Variants in TIMM9 observed in about 807,000 individuals in gnomAD.
The protein encoded by TIMM9 is translocase of inner mitochondrial membrane 9.
A neutral mutation model predicts 13.4 loss-of-function variants in TIMM9; 10 were observed. The observed-to-expected ratio is 0.75, with a 90% CI of 0.46 to 1.26. The LOEUF is 1.26. Ranked by LOEUF, TIMM9 falls within the 50% of genes most tolerant of loss-of-function variation. TIMM9 has a pLI of 0.00. For synonymous variants in TIMM9, 32 were observed against 32.1 expected (o/e 1.00, Z 0.01); for missense variants, 87 against 100.8 (o/e 0.86, Z 0.58).
Position 58,427,398 on chromosome 14 carries a change from C to T in TIMM9, c.-310G>A. 3.8e-6 allele frequency: 2 copies of T among 521,340 alleles called. No individual in the cohort carries two copies. The highest frequency in any genetic ancestry group is 3.2e-5 in the East Asian group (1 of 31,316). The allele number at this position is 521,340 out of a possible 1,614,324, so 32.3% of individuals were successfully genotyped here. On this transcript the variant is annotated 5_prime_UTR_variant, in exon 1 of 6. Transcript: ENST00000395159. Reference sequence around the variant, plus strand: ...TCTTGGAAGCCTAATTTACCTAATCCCACGTCCCTAACGGTCTTCGGAAGC... The same window carrying T: ...TCTTGGAAGCCTAATTTACCTAATCTCACGTCCCTAACGGTCTTCGGAAGC...
chr14:58,412,718 T>A (rs1046162389), intron 3 of TIMM9, among the ~76,000 whole-genome samples: 6 of 152,166 alleles, frequency 3.9e-5, no homozygotes, highest in African/African-American at 1.4e-4. Context: ...CTGGCCAACA[T>A]AGTGAAACCC....
At chr14:58,422,186 G>C (rs2036607690) in intron 3 of TIMM9, among the ~76,000 whole-genome samples, 1 of 150,354 alleles carries the variant, frequency 6.7e-6, no homozygotes. Flanking sequence ...CACAATCTCA[G>C]CTTACTGCAA....
intron 4 of TIMM9, among the ~76,000 whole-genome samples, chr14:58,411,170 G>A (rs536814062): frequency 6.5e-4 from 99 of 152,172 alleles, no homozygotes; most frequent in African/African-American, 2.1e-3. Context: ...ATGCTTGGCC[G>A]GGTGCGGTAG....
chr14:58,413,748 C>T (rs1379000132), intron 3 of TIMM9, among the ~76,000 whole-genome samples: 1 of 152,050 alleles, frequency 6.6e-6, no homozygotes, highest in Non-Finnish European at 1.5e-5. Flanking sequence ...TGGCTCACGC[C>T]TGTAATCCCA....
intron 3 of TIMM9, among the ~76,000 whole-genome samples, chr14:58,421,875 C>A (rs960409698): frequency 1.3e-5 from 2 of 152,132 alleles, no homozygotes; most frequent in Non-Finnish European, 2.9e-5. Flanking sequence ...ATCTACTAGA[C>A]CTGAGCCTTT....
intron 2 of TIMM9, among the ~76,000 whole-genome samples, chr14:58,426,457 G>C (rs2036812595): frequency 6.6e-6 from 1 of 151,946 alleles, no homozygotes; most frequent in Non-Finnish European, 1.5e-5. Flanking sequence ...CGCCCGCCTT[G>C]GCCTCCCAAA....
intron 2 of TIMM9, among the ~76,000 whole-genome samples, chr14:58,426,356 C>A (rs1267381958): frequency 4.6e-5 from 7 of 151,692 alleles, no homozygotes. Flanking sequence ...CAGGCGCGCG[C>A]CACCATGCCC....
At position 58,409,170 on chromosome 14, in the gene TIMM9, T is replaced by C; in HGVS notation, c.136-2A>G. On this transcript the variant is annotated splice_acceptor_variant, in intron 5 of 5. Transcript: ENST00000395159. LOFTEE classifies it high-confidence loss of function. ...TAAGCAATGTTCTGAACAGGTGGTC[T>C]AGGAATGAAAAGGGAAGATCCAAGA... 6.2e-7 allele frequency: 1 copy of C among 1,611,484 alleles called. No homozygotes were observed. The highest frequency in any genetic ancestry group is 8.5e-7 in the Non-Finnish European group (1 of 1,179,356).
chr14:58,414,323 G>A (rs1408808903), intron 3 of TIMM9, among the ~76,000 whole-genome samples: 1 of 152,018 alleles, frequency 6.6e-6, no homozygotes, highest in Non-Finnish European at 1.5e-5. Context: ...CAAAGTGTAT[G>A]CCACCATCAC....
At position 58,411,897 on chromosome 14, in the gene TIMM9, A is replaced by C; in HGVS notation, c.39+10T>G. 1 of 1,613,556 alleles carries C rather than the reference A, an allele frequency of 6.2e-7. No homozygotes were observed. Among genetic ancestry groups the C allele is most frequent in the Non-Finnish European group, 8.5e-7 (1 of 1,179,596 alleles). On this transcript the variant is annotated intron_variant, in intron 4 of 5. Transcript: ENST00000395159. ...TGCAAAATCTTTTCCCCTTAATTAG[A>C]ATACCTTACCTGTTTTATCTGATCA...
At chr14:58,414,001 C>CCT (rs2036307220) in intron 3 of TIMM9, among the ~76,000 whole-genome samples, 1 of 50,894 alleles carries the variant, frequency 2.0e-5, no homozygotes, top group Non-Finnish European at 3.4e-5. Flanking sequence ...AGTGAGATTC[C>CCT]GTCTCAGAAA....
chr14:58,413,977 G>A (rs371230730), intron 3 of TIMM9, among the ~76,000 whole-genome samples: 2 of 121,394 alleles, frequency 1.6e-5, no homozygotes, highest in African/African-American at 6.3e-5. Context: ...ACTGCACTCC[G>A]GCCTGGGTGA....
Position 58,423,236 on chromosome 14 carries a change from G to C in TIMM9, c.-27+772C>G, listed in dbSNP as rs187812890. ...CAGTATCTATCAAGATTACGGTATA[G>C]GCCAGGCACAGTGGCTCACACCTGT... On this transcript the variant is annotated intron_variant, in intron 3 of 5. Coordinates refer to ENST00000395159, the MANE Select transcript of TIMM9 (RefSeq NM_012460.4). 3.0e-3 allele frequency among the ~76,000 whole-genome samples: 456 copies of C among 151,878 alleles called. 2 individuals are homozygous for C. The highest frequency in any genetic ancestry group is 5.1e-3 in the Non-Finnish European group (349 of 67,966).
intron 3 of TIMM9, among the ~76,000 whole-genome samples, chr14:58,419,837 C>T (rs773776566): frequency 3.3e-5 from 5 of 151,960 alleles, no homozygotes; most frequent in South Asian, 2.1e-4. Context: ...GGATGGATTG[C>T]GCCCAGGAGG....
In TIMM9 at chr14:58,408,688, T is replaced by G. The variant is rs2036111068; in HGVS notation, c.*346A>C. 1.7e-6 allele frequency: 2 copies of G among 1,143,858 alleles called. No individual in the cohort carries two copies. The highest frequency in any genetic ancestry group is 2.7e-5 in the Admixed American group (1 of 36,502). 70.9% of individuals were successfully genotyped at this position (1,143,858 alleles called of 1,614,324 possible). ...TTTATTTTACTTTGAGTAATAAAAA[T>G]TTTTCTATCTCATACATGATCGAAC... On this transcript the variant is annotated 3_prime_UTR_variant, in exon 6 of 6. Coordinates refer to ENST00000395159, the MANE Select transcript of TIMM9 (RefSeq NM_012460.4).
chr14:58,408,697 C>G lies in TIMM9; in HGVS notation c.*337G>C. 1 of 1,023,548 alleles carries G rather than the reference C, an allele frequency of 9.8e-7. No individual in the cohort carries two copies. Among genetic ancestry groups the G allele is most frequent in the Non-Finnish European group, 1.4e-6 (1 of 708,042 alleles). 63.4% of individuals were successfully genotyped at this position (1,023,548 alleles called of 1,614,324 possible). A position where few individuals can be genotyped will look rare whatever the true frequency, so the allele number is the denominator to read the frequency against. Reference sequence around the variant, plus strand: ...CTTTGAGTAATAAAAATTTTTCTATCTCATACATGATCGAACACATAAGTT... The same window carrying G: ...CTTTGAGTAATAAAAATTTTTCTATGTCATACATGATCGAACACATAAGTT... On this transcript the variant is annotated 3_prime_UTR_variant, in exon 6 of 6. Transcript: ENST00000395159.
In TIMM9 at chr14:58,408,865, TG is replaced by T; in HGVS notation, c.*168del. 1.1e-6 allele frequency: 1 copy of T among 948,506 alleles called. No homozygotes were observed. Among genetic ancestry groups the T allele is most frequent in the African/African-American group, 1.7e-5 (1 of 59,514 alleles). 58.8% of individuals were successfully genotyped at this position (948,506 alleles called of 1,614,324 possible). A position where few individuals can be genotyped will look rare whatever the true frequency, so the allele number is the denominator to read the frequency against. ...TAAGACCTTCTATTGTGATTATTCC[TG>T]GTAAATAGCAATTTTGTTTCTCCAG... On this transcript the variant is annotated 3_prime_UTR_variant, in exon 6 of 6. Coordinates refer to ENST00000395159, the MANE Select transcript of TIMM9 (RefSeq NM_012460.4).
intron 2 of TIMM9, among the ~76,000 whole-genome samples, chr14:58,426,683 A>G (rs536930520): frequency 3.7e-4 from 57 of 152,342 alleles, no homozygotes; most frequent in African/African-American, 1.3e-3. Context: ...TGAGCAGATC[A>G]GGGAAGGGGT....
chr14:58,426,076 C>A (rs1171086141), intron 2 of TIMM9, among the ~76,000 whole-genome samples: 1 of 151,732 alleles, frequency 6.6e-6, no homozygotes, highest in Non-Finnish European at 1.5e-5. Context: ...AAGATCGCGC[C>A]ACTGCACTCC....
Sources: gnomAD v4.1 joint callset for allele counts (sites outside exome capture counted in the v4.1 genomes callset) on GRCh38, gnomAD v4.1.1 for gene constraint, MANE v1.5 for transcripts, NCBI Gene and HGNC (gene_info 2026-07-23, HGNC 2026-07-21) for gene names.